Variants in TAFA1 observed in about 807,000 individuals in gnomAD.
The protein encoded by TAFA1 is TAFA chemokine like family member 1.
TAFA1 carries 4 observed loss-of-function variants against 18.5 expected under a neutral mutation model. The observed-to-expected ratio is 0.22, with a 90% CI of 0.11 to 0.49. The LOEUF is 0.49. TAFA1 is among the 20% of genes least tolerant of loss of function. The probability of loss-of-function intolerance (pLI) is 0.98; values close to 1 mark genes in which losing one functional copy is unlikely to be tolerated. For synonymous variants in TAFA1, 56 were observed against 55.2 expected, an observed-to-expected ratio of 1.01 and a Z score of -0.06; for missense variants, 147 against 169.0, an observed-to-expected ratio of 0.87 and a Z score of 0.72.
chr3:68,299,230 AT>A (rs2068264121), intron 2 of TAFA1, among the ~76,000 whole-genome samples: 1 of 152,204 alleles, frequency 6.6e-6, no homozygotes, highest in Admixed American at 6.5e-5. Flanking sequence ...CATACAGAGC[AT>A]TTCCAAAAGA....
chr3:68,430,018 T>C (rs1366614815), intron 3 of TAFA1, among the ~76,000 whole-genome samples: 4 of 151,956 alleles, frequency 2.6e-5, no homozygotes, highest in Non-Finnish European at 5.9e-5. Context: ...TGCCAAATAC[T>C]TAATCACATA....
chr3:68,496,147 A>G (rs894478398), intron 3 of TAFA1, among the ~76,000 whole-genome samples: 7 of 152,290 alleles, frequency 4.6e-5, no homozygotes, highest in Middle Eastern at 3.4e-3. Context: ...CCTTTTACGC[A>G]GAAAGATCAG....
chr3:68,438,081 A>G (rs1006473813), intron 3 of TAFA1, among the ~76,000 whole-genome samples: 5 of 152,180 alleles, frequency 3.3e-5, no homozygotes, highest in African/African-American at 1.2e-4. Context: ...CAGATTAGCC[A>G]TGTGCAGTGG....
intron 2 of TAFA1, among the ~76,000 whole-genome samples, chr3:68,078,072 A>G (rs2064849461): frequency 6.6e-6 from 1 of 151,704 alleles, no homozygotes; most frequent in Admixed American, 6.6e-5. Flanking sequence ...CTTTGAAGCA[A>G]TTGTGAATGG....
intron 2 of TAFA1, among the ~76,000 whole-genome samples, chr3:68,298,137 G>T (rs2068243029): frequency 6.6e-6 from 1 of 152,126 alleles, no homozygotes; most frequent in Admixed American, 6.5e-5. Context: ...ATCTTCCCCA[G>T]TGAGCCTGTG....
At chr3:68,284,016 T>C (rs1195416748) in intron 2 of TAFA1, among the ~76,000 whole-genome samples, 1 of 152,224 alleles carries the variant, frequency 6.6e-6, no homozygotes, top group Non-Finnish European at 1.5e-5. Context: ...CTCCTTATGA[T>C]GTTATCTGCA....
intron 2 of TAFA1, among the ~76,000 whole-genome samples, chr3:68,055,145 C>T (rs2064518002): frequency 6.6e-6 from 1 of 152,084 alleles, no homozygotes; most frequent in African/African-American, 2.4e-5. Flanking sequence ...ACCAAGCCAC[C>T]TGCCATAGTG....
At chr3:68,522,897 G>A (rs527344321) in intron 3 of TAFA1, among the ~76,000 whole-genome samples, 1 of 152,158 alleles carries the variant, frequency 6.6e-6, no homozygotes, top group South Asian at 2.1e-4. Context: ...CCAACATGGT[G>A]AAACCCCAAC....
intron 2 of TAFA1, among the ~76,000 whole-genome samples, chr3:68,232,415 GTATTC>G (rs1575694896): frequency 6.6e-6 from 1 of 152,102 alleles, no homozygotes; most frequent in East Asian, 1.9e-4. Flanking sequence ...TGTCTGAATG[GTATTC>G]CATTGTGTAT....
At chr3:68,436,997 T>C (rs2071277842) in intron 3 of TAFA1, among the ~76,000 whole-genome samples, 1 of 151,914 alleles carries the variant, frequency 6.6e-6, no homozygotes, top group Non-Finnish European at 1.5e-5. Flanking sequence ...CAAATGTAAC[T>C]TACATGGACA....
intron 2 of TAFA1, among the ~76,000 whole-genome samples, chr3:68,249,860 T>G (rs986472307): frequency 6.6e-5 from 10 of 152,170 alleles, no homozygotes; most frequent in African/African-American, 2.4e-4. Flanking sequence ...AGTACCCTCC[T>G]GAGCCAGAGG....
intron 2 of TAFA1, among the ~76,000 whole-genome samples, chr3:68,124,181 C>T (rs1452195393): frequency 6.6e-6 from 1 of 152,184 alleles, no homozygotes; most frequent in Non-Finnish European, 1.5e-5. Context: ...TTTAAATGTG[C>T]TGGCTGTAAG....
At chr3:68,203,808 G>C (rs1350914078) in intron 2 of TAFA1, among the ~76,000 whole-genome samples, 2 of 151,608 alleles carry the variant, frequency 1.3e-5, no homozygotes, top group Non-Finnish European at 2.9e-5. Flanking sequence ...TGGTATACTT[G>C]GTTAAGAACA....
intron 3 of TAFA1, among the ~76,000 whole-genome samples, chr3:68,467,739 G>T (rs914891869): frequency 4.6e-5 from 7 of 152,132 alleles, no homozygotes; most frequent in Non-Finnish European, 1.0e-4. Context: ...CTAGAGGATG[G>T]GGAACCTGGT....
At chr3:68,189,977 A>G (rs1192420775) in intron 2 of TAFA1, among the ~76,000 whole-genome samples, 3 of 151,890 alleles carry the variant, frequency 2.0e-5, no homozygotes, top group Non-Finnish European at 4.4e-5. Flanking sequence ...ATAAATTAGA[A>G]CAAAGGAAGC....
chr3:68,028,721 T>C (rs1704868874), intron 2 of TAFA1, among the ~76,000 whole-genome samples: 1 of 151,488 alleles, frequency 6.6e-6, no homozygotes, highest in Non-Finnish European at 1.5e-5. Context: ...GTCTGTCAAA[T>C]CTCCCTCAGC....
chr3:68,022,760 C>G (rs1233750414), intron 2 of TAFA1, among the ~76,000 whole-genome samples: 1 of 143,770 alleles, frequency 7.0e-6, no homozygotes, highest in African/African-American at 2.7e-5. Flanking sequence ...AAAGTGGAAG[C>G]TGGCTTTGAA....
At chr3:68,334,263 A>G (rs2068933000) in intron 2 of TAFA1, among the ~76,000 whole-genome samples, 1 of 152,170 alleles carries the variant, frequency 6.6e-6, no homozygotes, top group South Asian at 2.1e-4. Flanking sequence ...CCATTTATAC[A>G]TGTTTTCCTT....
At chr3:68,000,394 G>A (rs190211415), upstream of TAFA1, among the ~76,000 whole-genome samples, 3 of 152,308 alleles carry the variant, frequency 2.0e-5, no homozygotes, top group East Asian at 5.8e-4. Context: ...AGGGGACATA[G>A]CACAATGACC....
Sources: allele counts gnomAD v4.1 joint callset (sites outside exome capture counted in the v4.1 genomes callset), GRCh38; gene constraint gnomAD v4.1.1; transcripts MANE v1.5; gene names NCBI Gene and HGNC (gene_info 2026-07-23, HGNC 2026-07-21).